Variants in ZNF804A observed in about 807,000 individuals in gnomAD.
The protein encoded by ZNF804A is zinc finger protein 804A.
A neutral mutation model predicts 16.5 loss-of-function variants in ZNF804A; 2 were observed. The observed-to-expected ratio is 0.12, with a 90% CI of 0.05 to 0.38. The LOEUF is 0.38. ZNF804A is among the 10% of genes least tolerant of loss of function. The pLI, the probability that ZNF804A is intolerant of heterozygous loss-of-function variation, is 0.99. For missense variants in ZNF804A, 1,473 were observed against 1,390.7 expected, an observed-to-expected ratio of 1.06 and a Z score of -0.94; for synonymous variants, 534 against 489.6, an observed-to-expected ratio of 1.09 and a Z score of -1.20.
chr2:184,936,399 A>G lies in ZNF804A; in HGVS notation c.1003A>G (p.Ile335Val). The G allele has an allele frequency of 6.2e-7, 1 of 1,614,028 alleles. No homozygotes were observed. The highest frequency in any genetic ancestry group is 2.2e-5 in the East Asian group (1 of 44,848). Residue 335 changes from isoleucine (I) to valine (V), a missense_variant, in exon 4 of 4, where the codon ATA becomes GTA. Physicochemically the swap from Ile to Val is conservative, Grantham distance 29 (BLOSUM62 3). Transcript: ENST00000302277. ...CQNSVPLADQ[I>V]PLESVVINED... ...AAATTCAGTCCCATTAGCAGATCAA[A>G]TACCACTAGAGAGTGTTGTTATTAA...
At chr2:184,903,140 C>T (rs1488150621) in intron 2 of ZNF804A, among the ~76,000 whole-genome samples, 1 of 152,062 alleles carries the variant, frequency 6.6e-6, no homozygotes, top group African/African-American at 2.4e-5. Context: ...CTAGTTTTAT[C>T]AGTACTTTCT....
intron 1 of ZNF804A, among the ~76,000 whole-genome samples, chr2:184,764,730 T>G (rs565585488): frequency 2.1e-4 from 32 of 152,310 alleles, no homozygotes; most frequent in South Asian, 2.1e-4. Context: ...AAAACTGTTT[T>G]CATATTACCA....
intron 2 of ZNF804A, among the ~76,000 whole-genome samples, chr2:184,880,519 T>A (rs1031718232): frequency 6.6e-6 from 1 of 152,120 alleles, no homozygotes; most frequent in African/African-American, 2.4e-5. Flanking sequence ...ACACAAGTTA[T>A]TGTGTAACCT....
chr2:184,937,603 A>G lies in ZNF804A; in HGVS notation c.2207A>G (p.His736Arg). The change falls in exon 4 of 4, where the codon CAC becomes CGC. Residue 736 changes from histidine to arginine, a missense_variant. Coordinates refer to ENST00000302277, the MANE Select transcript of ZNF804A (RefSeq NM_194250.2). ...AAAATGTCAAGCTGTAGTCAGGATC[A>G]CAGAAGCTTAGTTCTTCAAAATGAT... ...KTKMSSCSQD[H>R]RSLVLQNDMK... The G allele has an allele frequency of 6.2e-7, 1 of 1,613,578 alleles. No individual in the cohort carries two copies. Among genetic ancestry groups the G allele is most frequent in the East Asian group, 2.2e-5 (1 of 44,832 alleles).
intron 1 of ZNF804A, among the ~76,000 whole-genome samples, chr2:184,748,033 A>G (rs1238784939): frequency 1.3e-5 from 2 of 150,344 alleles, no homozygotes; most frequent in African/African-American, 2.4e-5. Flanking sequence ...TAGCCAGTCC[A>G]CTATTGATAG....
intron 1 of ZNF804A, among the ~76,000 whole-genome samples, chr2:184,680,894 T>TG (rs1464838646): frequency 6.6e-6 from 1 of 152,216 alleles, no homozygotes; most frequent in Non-Finnish European, 1.5e-5. Context: ...GCTCTGCAGT[T>TG]GCTGGCATCT....
rs1450212849 is a variant in ZNF804A, at chr2:184,602,722, A to C, written c.111+3652A>C. 4.6e-5 allele frequency among the ~76,000 whole-genome samples: 7 copies of C among 152,042 alleles called. 1 individual carries two copies. The highest frequency in any genetic ancestry group is 1.5e-5 in the Non-Finnish European group (1 of 67,918). ...CATTCTATTATTTGGTCAGCATTTT[A>C]GTATCTCATAATAACATTATATCTA... is the stretch of plus-strand genomic sequence containing the variant. On this transcript the variant is annotated intron_variant, in intron 1 of 3. Coordinates refer to ENST00000302277, the MANE Select transcript of ZNF804A (RefSeq NM_194250.2).
rs571266785 is a variant in ZNF804A, at chr2:184,859,142, A to G, written c.112-7227A>G. 4.6e-5 allele frequency among the ~76,000 whole-genome samples: 7 copies of G among 152,132 alleles called. No individual in the cohort carries two copies. In the South Asian group the frequency reaches 1.5e-3, roughly 32 times the overall value. ...ATCTTTGACCTTCCTGTACCTAGAT[A>G]TTTATATCTTTCCTCAAATTTTGAA... On this transcript the variant is annotated intron_variant, in intron 1 of 3. Coordinates refer to ENST00000302277, the MANE Select transcript of ZNF804A (RefSeq NM_194250.2).
intron 2 of ZNF804A, among the ~76,000 whole-genome samples, chr2:184,890,912 C>T (rs1275130055): frequency 6.6e-6 from 1 of 151,314 alleles, no homozygotes; most frequent in East Asian, 1.9e-4. Context: ...ACATATTATA[C>T]ATCTATGTTA....
intron 1 of ZNF804A, among the ~76,000 whole-genome samples, chr2:184,625,857 C>T (rs993442805): frequency 4.6e-5 from 7 of 151,920 alleles, no homozygotes; most frequent in Non-Finnish European, 8.8e-5. Context: ...TTGAGGATTT[C>T]TTTTTTTAAT....
At chr2:184,846,590 G>T (rs951945096) in intron 1 of ZNF804A, among the ~76,000 whole-genome samples, 2 of 152,002 alleles carry the variant, frequency 1.3e-5, no homozygotes, top group African/African-American at 4.8e-5. Flanking sequence ...GTTCTTGTTT[G>T]CCTTAAGAGA....
At chr2:184,720,836 C>T (rs184339924) in intron 1 of ZNF804A, among the ~76,000 whole-genome samples, 153 of 152,182 alleles carry the variant, frequency 1.0e-3, no homozygotes, top group African/African-American at 3.2e-3. Flanking sequence ...CATTACCTGA[C>T]TTTAAGATAT....
chr2:184,644,715 A>G (rs1216433859), intron 1 of ZNF804A, among the ~76,000 whole-genome samples: 1 of 152,052 alleles, frequency 6.6e-6, no homozygotes, highest in Non-Finnish European at 1.5e-5. Context: ...AGGCATGAAG[A>G]GATAAACAAG....
At chr2:184,669,450 C>A (rs1692307964) in intron 1 of ZNF804A, among the ~76,000 whole-genome samples, 1 of 151,952 alleles carries the variant, frequency 6.6e-6, no homozygotes, top group East Asian at 1.9e-4. Context: ...GTTCAGTTTT[C>A]TCTTCATTTA....
chr2:184,696,925 A>G (rs999441092), intron 1 of ZNF804A, among the ~76,000 whole-genome samples: 7 of 152,042 alleles, frequency 4.6e-5, no homozygotes, highest in African/African-American at 1.7e-4. Context: ...TGTAACGAAA[A>G]AAAATCACCC....
chr2:184,775,466 T>G (rs1270047239), intron 1 of ZNF804A, among the ~76,000 whole-genome samples: 1 of 151,772 alleles, frequency 6.6e-6, no homozygotes, highest in South Asian at 2.1e-4. Flanking sequence ...TGCTATGAAA[T>G]TATAGAGTGG....
chr2:184,777,578 A>C (rs1290839677), intron 1 of ZNF804A, among the ~76,000 whole-genome samples: 1 of 151,424 alleles, frequency 6.6e-6, no homozygotes, highest in Non-Finnish European at 1.5e-5. Flanking sequence ...TTTTACTGCT[A>C]TCTAAAGGAA....
chr2:184,771,260 A>AGTGC (rs1694207915), intron 1 of ZNF804A, among the ~76,000 whole-genome samples: 1 of 152,110 alleles, frequency 6.6e-6, no homozygotes, highest in Non-Finnish European at 1.5e-5. Context: ...ATAAGGTTGT[A>AGTGC]GTGCTTGAGA....
chr2:184,727,156 C>A (rs986718787), intron 1 of ZNF804A, among the ~76,000 whole-genome samples: 8 of 151,312 alleles, frequency 5.3e-5, no homozygotes, highest in Non-Finnish European at 8.9e-5. Flanking sequence ...TTAAAAATGC[C>A]CTGGCATTTC....
Sources: gnomAD v4.1 joint callset for allele counts (sites outside exome capture counted in the v4.1 genomes callset) on GRCh38, gnomAD v4.1.1 for gene constraint, MANE v1.5 for transcripts, NCBI Gene and HGNC (gene_info 2026-07-23, HGNC 2026-07-21) for gene names.